PA2G4: variants seen among roughly 807,000 people sequenced by gnomAD.
PA2G4 encodes proliferation-associated 2G4.
Under a neutral mutation model 53.3 loss-of-function variants are expected in PA2G4, and 8 were observed. The observed-to-expected ratio is 0.15, with a 90% confidence interval of 0.09 to 0.27. PA2G4 has a LOEUF of 0.27. PA2G4 is among the 10% of genes least tolerant of loss of function. The pLI, the probability that PA2G4 is intolerant of heterozygous loss-of-function variation, is 1.00. For missense variants in PA2G4, 208 were observed against 486.8 expected (o/e 0.43, Z 5.39); for synonymous variants, 143 against 169.8 (o/e 0.84, Z 1.23).
At position 56,104,879 on chromosome 12, in the gene PA2G4, G is replaced by A. The variant is rs193167746; in HGVS notation, c.88+54G>A. 436 of 1,485,110 alleles carry A rather than the reference G, an allele frequency of 2.9e-4. 3 individuals are homozygous for A. In the African/African-American group the frequency reaches 5.4e-3, roughly 18 times the overall value. 92.0% of individuals were successfully genotyped at this position (1,485,110 alleles called of 1,614,324 possible). On this transcript the variant is annotated intron_variant, in intron 1 of 12. Transcript: ENST00000303305. ...CAAGGCTGATAGGGAAAGGTAACAG[G>A]CTGGCCCGGAAGGGGCTGGAGCGGA...
intron 1 of PA2G4, 59 bp downstream of exon 1, chr12:56,104,884 C>A: frequency 1.4e-6 from 2 of 1,436,270 alleles, no homozygotes; most frequent in Admixed American, 1.7e-5. Context: ...AACAGGCTGG[C>A]CCGGAAGGGG....
chr12:56,110,520 T>C (rs1450075370), intron 8 of PA2G4, 39 bp from the exon 9 acceptor site: 2 of 1,613,518 alleles, frequency 1.2e-6, no homozygotes, highest in Non-Finnish European at 1.7e-6. Flanking sequence ...TGACTGAGAG[T>C]GTTCACCAGA....
intron 2 of PA2G4, 122 bp from the exon 3 acceptor site, chr12:56,106,868 C>T (rs1869313348): frequency 7.9e-7 from 1 of 1,267,934 alleles, no homozygotes; most frequent in Non-Finnish European, 1.1e-6. Flanking sequence ...CAAGCAGTTT[C>T]CTACCTAATC....
At position 56,113,342 on chromosome 12, in the gene PA2G4, C is replaced by A; in HGVS notation, c.*454C>A. 1 of 163,066 alleles carries A rather than the reference C, an allele frequency of 6.1e-6. No individual in the cohort carries two copies. Among genetic ancestry groups the A allele is most frequent in the Non-Finnish European group, 1.3e-5 (1 of 75,666 alleles). 10.1% of individuals were successfully genotyped at this position (163,066 alleles called of 1,614,324 possible). On this transcript the variant is annotated 3_prime_UTR_variant, in exon 13 of 13. Coordinates refer to ENST00000303305, the MANE Select transcript of PA2G4 (RefSeq NM_006191.3). ...CTTTTTCCTCTTTTTTCCATTCTCC[C>A]CAAATATTTTATCTGGCTTCAAAAT... is the stretch of plus-strand genomic sequence containing the variant.
At chr12:56,110,247 C>G (rs1246703167) in intron 7 of PA2G4, 152 bp from the exon 8 acceptor site, 1 of 621,174 alleles carries the variant, frequency 1.6e-6, no homozygotes, top group African/African-American at 1.9e-5. Flanking sequence ...ATAGTCCCAG[C>G]TACTTGGGAG....
chr12:56,110,587 T>C lies in PA2G4; in HGVS notation c.737T>C (p.Ile246Thr). 1 of 1,614,058 alleles carries C rather than the reference T, an allele frequency of 6.2e-7. No homozygotes were observed. Among genetic ancestry groups the C allele is most frequent in the Non-Finnish European group, 8.5e-7 (1 of 1,180,014 alleles). Residue 246 changes from isoleucine to threonine, a missense_variant, in exon 9 of 13, where the codon ATT becomes ACT. By Grantham distance (89) the Ile-to-Thr change is moderately conservative. Transcript: ENST00000303305. ...KAKDAGQRTT[I>T]YKRDPSKQYG... ...AAGGATGCAGGACAGAGAACCACTA[T>C]TTACAAACGAGACCCCTCTAAACAG...
At chr12:56,106,963 A>G in intron 2 of PA2G4, 27 bp from the exon 3 acceptor site, 1 of 1,560,260 alleles carries the variant, frequency 6.4e-7, no homozygotes, top group Non-Finnish European at 8.8e-7. Context: ...ACAGCAAGGC[A>G]GTAGGCTGAT....
intron 7 of PA2G4, 46 bp downstream of exon 7, chr12:56,109,981 C>A: frequency 7.3e-7 from 1 of 1,377,978 alleles, no homozygotes; most frequent in African/African-American, 1.4e-5. Context: ...CAAGACTAGT[C>A]ATCAGGTTTT....
chr12:56,113,689 A>G lies in PA2G4; in HGVS notation c.*801A>G. Reference sequence around the variant, plus strand: ...ATTGTGATCTCCCTCCCATGAAAGAAAAACCAAGAACCAGAGGCGTAGACT... The same window carrying G: ...ATTGTGATCTCCCTCCCATGAAAGAGAAACCAAGAACCAGAGGCGTAGACT... On this transcript the variant is annotated 3_prime_UTR_variant, in exon 13 of 13. Transcript: ENST00000303305. 1.7e-6 allele frequency: 1 copy of G among 603,318 alleles called. No individual in the cohort carries two copies. Among genetic ancestry groups the G allele is most frequent in the South Asian group, 2.0e-5 (1 of 49,608 alleles). 37.4% of individuals were successfully genotyped at this position (603,318 alleles called of 1,614,324 possible).
In PA2G4 at chr12:56,110,799, A is replaced by C. The variant is rs184230638; in HGVS notation, c.842+107A>C. On this transcript the variant is annotated intron_variant, in intron 9 of 12. Coordinates refer to ENST00000303305, the MANE Select transcript of PA2G4 (RefSeq NM_006191.3). ...CTAGACTTGTAGCGTGCATGTGCTC[A>C]CTCCCTCCCTCTCTCTCCCCATCTC... 22 of 1,404,384 alleles carry C rather than the reference A, an allele frequency of 1.6e-5. No homozygotes were observed. The Admixed American group carries it at 3.4e-4, about 21-fold the overall frequency. 87.0% of individuals were successfully genotyped at this position (1,404,384 alleles called of 1,614,324 possible).
chr12:56,111,368 C>T, intron 11 of PA2G4, 59 bp downstream of exon 11: 2 of 1,608,192 alleles, frequency 1.2e-6, no homozygotes, highest in Non-Finnish European at 1.7e-6. Context: ...GGAGTGAGGG[C>T]TAAATGCCAG....
chr12:56,108,496 T>G (rs1183210221), intron 5 of PA2G4, among the ~76,000 whole-genome samples: 1 of 152,192 alleles, frequency 6.6e-6, no homozygotes, highest in African/African-American at 2.4e-5. Flanking sequence ...AACCATTCTG[T>G]TTTTCATTTT....
At chr12:56,105,739 C>CT (rs1009300234) in intron 1 of PA2G4, among the ~76,000 whole-genome samples, 3 of 152,228 alleles carry the variant, frequency 2.0e-5, no homozygotes, top group African/African-American at 4.8e-5. Flanking sequence ...GCAGATGCCA[C>CT]TTTCTCTTTT....
At chr12:56,110,715 G>C in intron 9 of PA2G4, 23 bp downstream of exon 9, 1 of 1,613,476 alleles carries the variant, frequency 6.2e-7, no homozygotes, top group African/African-American at 1.3e-5. Context: ...GATAGTACTT[G>C]GAACCAGTCT....
At chr12:56,111,382 A>T (rs1869419104) in intron 11 of PA2G4, 73 bp downstream of exon 11, 17 of 1,604,178 alleles carry the variant, frequency 1.1e-5, no homozygotes, top group Middle Eastern at 1.7e-4. Context: ...ATGCCAGCAA[A>T]GTCCTGAAAA....
rs1267591261 is a variant in PA2G4, at chr12:56,105,058, G to A, written c.88+233G>A. 4.3e-6 allele frequency: 3 copies of A among 698,032 alleles called. No homozygotes were observed. In the South Asian group the frequency reaches 4.5e-5, roughly 10 times the overall value. 43.2% of individuals were successfully genotyped at this position (698,032 alleles called of 1,614,324 possible). A position where few individuals can be genotyped will look rare whatever the true frequency, so the allele number is the denominator to read the frequency against. ...CGGCGACCAGGATGAGCGCAGAGAG[G>A]GGACCCTGGCAGGCTCCGACCCGAG... On this transcript the variant is annotated intron_variant, in intron 1 of 12. Coordinates refer to ENST00000303305, the MANE Select transcript of PA2G4 (RefSeq NM_006191.3).
At chr12:56,110,838 G>A (rs1001292542) in intron 9 of PA2G4, 126 bp from the exon 10 acceptor site, 36 of 1,317,610 alleles carry the variant, frequency 2.7e-5, no homozygotes, top group Non-Finnish European at 3.6e-5. Flanking sequence ...CTCATTGAAG[G>A]TAATGTAAAA....
chr12:56,107,320 T>A, intron 4 of PA2G4, 64 bp downstream of exon 4: 1 of 1,297,206 alleles, frequency 7.7e-7, no homozygotes, highest in Non-Finnish European at 1.1e-6. Flanking sequence ...GCCATTTGCT[T>A]CTTATCCCCA....
intron 7 of PA2G4, 136 bp downstream of exon 7, chr12:56,110,071 T>G (rs1869387302): frequency 1.3e-5 from 9 of 718,002 alleles, no homozygotes; most frequent in Non-Finnish European, 2.0e-5. Flanking sequence ...ATATTCCCTT[T>G]CTCTAGGCCG....
Sources: allele counts gnomAD v4.1 joint callset (sites outside exome capture counted in the v4.1 genomes callset), GRCh38; gene constraint gnomAD v4.1.1; transcripts MANE v1.5; gene names NCBI Gene and HGNC (gene_info 2026-07-23, HGNC 2026-07-21).